ZFYVE9: variants seen among roughly 807,000 people sequenced by gnomAD.
The protein encoded by ZFYVE9 is zinc finger FYVE-type containing 9, also known as zinc finger FYVE domain-containing protein 9.
ZFYVE9 carries 43 observed loss-of-function variants against 126.7 expected under a neutral mutation model. The ratio of observed to expected loss-of-function variants is 0.34; its 90% CI spans 0.27 to 0.44. ZFYVE9 has a LOEUF of 0.44. Among genes scored for constraint, ZFYVE9 ranks in the 20% least tolerant of loss-of-function variants. ZFYVE9 has a pLI of 1.00. For missense variants in ZFYVE9, 1,476 were observed against 1,697.0 expected (o/e 0.87, Z 2.29); for synonymous variants, 521 against 597.4 (o/e 0.87, Z 1.87).
chr1:52,166,744 T>C (rs1644517512), intron 1 of ZFYVE9, among the ~76,000 whole-genome samples: 1 of 151,920 alleles, frequency 6.6e-6, no homozygotes, highest in East Asian at 1.9e-4. Context: ...GTCCCATCTC[T>C]ACAAAAAACA....
chr1:52,313,823 G>T (rs771219938), intron 13 of ZFYVE9, among the ~76,000 whole-genome samples: 1 of 152,136 alleles, frequency 6.6e-6, no homozygotes, highest in East Asian at 1.9e-4. Context: ...AGGTGGCAAC[G>T]GGATGAAAAG....
At chr1:52,300,802 T>G (rs1646025687) in intron 12 of ZFYVE9, among the ~76,000 whole-genome samples, 3 of 151,800 alleles carry the variant, frequency 2.0e-5, no homozygotes, top group Admixed American at 2.0e-4. Flanking sequence ...ATCTTCATAT[T>G]TGGAAGATAC....
chr1:52,169,761 T>C (rs1425686207), intron 1 of ZFYVE9, among the ~76,000 whole-genome samples: 1 of 152,218 alleles, frequency 6.6e-6, no homozygotes, highest in Non-Finnish European at 1.5e-5. Flanking sequence ...ATGTGAATTA[T>C]GTGGAGATTT....
At position 52,219,749 on chromosome 1, in the gene ZFYVE9, TTGTGTGTGTGTGTG is replaced by T. The variant is rs56340178; in HGVS notation, c.-37+3316_-37+3329del. Among the ~76,000 whole-genome samples, 432 of 113,344 alleles carry T rather than the reference TTGTGTGTGTGTGTG, an allele frequency of 3.8e-3. 1 individual carries two copies. Among genetic ancestry groups the T allele is most frequent in the Middle Eastern group, 9.5e-3 (2 of 210 alleles). The allele number at this position is 113,344 out of a possible 152,430, so 74.4% of individuals were successfully genotyped here. Reference sequence around the variant, plus strand: ...ATAGAGCATTTCAGGCCAAGATCTTTTGTGTGTGTGTGTGTGTGTGTGTGTGTGTGTGTGTGTGT... The same window carrying T: ...ATAGAGCATTTCAGGCCAAGATCTTTTGTGTGTGTGTGTGTGTGTGTGTGT... On this transcript the variant is annotated intron_variant, in intron 2 of 18. Transcript: ENST00000287727.
intron 10 of ZFYVE9, among the ~76,000 whole-genome samples, chr1:52,285,004 G>T (rs1283228485): frequency 1.3e-5 from 2 of 152,120 alleles, no homozygotes; most frequent in Non-Finnish European, 2.9e-5. Flanking sequence ...CAAATATTGG[G>T]ACTAGAAGGC....
At chr1:52,180,161 C>A in intron 1 of ZFYVE9, 1 of 1,278,128 alleles carries the variant, frequency 7.8e-7, no homozygotes, top group Non-Finnish European at 1.1e-6. Flanking sequence ...TTACCAAAGC[C>A]AGTGAGGGTT....
In ZFYVE9 at chr1:52,203,547, G is replaced by T. The variant is rs558775205; in HGVS notation, c.-142-12822G>T. Among the ~76,000 whole-genome samples, 248 of 144,628 alleles carry T rather than the reference G, an allele frequency of 1.7e-3. 2 individuals are homozygous for T. The highest frequency in any genetic ancestry group is 5.3e-3 in the African/African-American group (209 of 39,252). The allele number at this position is 144,628 out of a possible 152,430, so 94.9% of individuals were successfully genotyped here. A position where few individuals can be genotyped will look rare whatever the true frequency, so the allele number is the denominator to read the frequency against. ...ATAGTTTGAATATAACTATGTATAG[G>T]TTTTTTTTGGCATTTTTCATGCTTG... is the stretch of plus-strand genomic sequence containing the variant. On this transcript the variant is annotated intron_variant, in intron 1 of 18. Coordinates refer to ENST00000287727, the MANE Select transcript of ZFYVE9 (RefSeq NM_004799.4).
At chr1:52,295,836 C>G in intron 11 of ZFYVE9, 59 bp from the exon 12 acceptor site, 1 of 1,405,316 alleles carries the variant, frequency 7.1e-7, no homozygotes, top group Non-Finnish European at 1.0e-6. Context: ...GTCATGAAAT[C>G]TCTTTTACCA....
intron 10 of ZFYVE9, among the ~76,000 whole-genome samples, chr1:52,283,325 G>T (rs906878108): frequency 2.6e-5 from 4 of 152,164 alleles, no homozygotes; most frequent in Non-Finnish European, 5.9e-5. Flanking sequence ...TTATTTAGGA[G>T]CCCATGCTTT....
chr1:52,250,591 A>T (rs1302427324), intron 4 of ZFYVE9, among the ~76,000 whole-genome samples: 1 of 152,096 alleles, frequency 6.6e-6, no homozygotes, highest in South Asian at 2.1e-4. Flanking sequence ...TTTCCTTTCC[A>T]ACTTGGGTGC....
chr1:52,166,580 T>G (rs1644515709), intron 1 of ZFYVE9, among the ~76,000 whole-genome samples: 1 of 152,150 alleles, frequency 6.6e-6, no homozygotes. Context: ...GAACACTTTA[T>G]TGTTTGCTTA....
intron 8 of ZFYVE9, among the ~76,000 whole-genome samples, chr1:52,276,832 G>T (rs1645752876): frequency 6.6e-6 from 1 of 152,130 alleles, no homozygotes; most frequent in Non-Finnish European, 1.5e-5. Context: ...TTGCAATTTA[G>T]ATATTATATT....
intron 1 of ZFYVE9, among the ~76,000 whole-genome samples, chr1:52,152,013 G>A (rs1176677504): frequency 6.6e-6 from 1 of 151,666 alleles, no homozygotes; most frequent in Non-Finnish European, 1.5e-5. Flanking sequence ...TTTTGAGATG[G>A]AGTTTTGCTC....
At chr1:52,233,932 C>A (rs1352598543) in intron 3 of ZFYVE9, among the ~76,000 whole-genome samples, 1 of 152,132 alleles carries the variant, frequency 6.6e-6, no homozygotes, top group Admixed American at 6.5e-5. Context: ...ATACACCCGC[C>A]ACCATGCCTG....
chr1:52,149,768 C>T (rs1370454312), intron 1 of ZFYVE9, among the ~76,000 whole-genome samples: 1 of 152,182 alleles, frequency 6.6e-6, no homozygotes. Flanking sequence ...GCTGGGATTA[C>T]AGGTGTGAGC....
chr1:52,237,512 T>C lies in ZFYVE9; in HGVS notation c.95T>C (p.Leu32Ser). 6.2e-7 allele frequency: 1 copy of C among 1,610,154 alleles called. No homozygotes were observed. Among genetic ancestry groups the C allele is most frequent in the Non-Finnish European group, 8.5e-7 (1 of 1,177,344 alleles). ...NEDETVSSTLLDTKWNKILDP... is the reference protein window; with the variant it reads ...NEDETVSSTLSDTKWNKILDP... ...GATGAAACAGTTTCTTCTACTTTATTGGATACAAAGTGGAATAAGATTCTA... is the reference window on the plus strand; with the variant it reads ...GATGAAACAGTTTCTTCTACTTTATCGGATACAAAGTGGAATAAGATTCTA... Residue 32 changes from leucine (L) to serine (S), a missense_variant, in exon 4 of 19, where the codon TTG becomes TCG. Coordinates refer to ENST00000287727, the MANE Select transcript of ZFYVE9 (RefSeq NM_004799.4).
rs140362537 is a variant in ZFYVE9, at chr1:52,207,438, A to G, written c.-142-8931A>G. Among the ~76,000 whole-genome samples the G allele has an allele frequency of 3.7e-3, 559 of 152,332 alleles. 4 individuals are homozygous for G. Among genetic ancestry groups the G allele is most frequent in the African/African-American group, 0.013 (524 of 41,574 alleles). ...TGACTGGGAATTTGATGTTTGTGAA[A>G]GATGCCAGATGGATATGCTGGAAAT... On this transcript the variant is annotated intron_variant, in intron 1 of 18. Transcript: ENST00000287727.
At chr1:52,175,502 G>A (rs1390907306) in intron 1 of ZFYVE9, among the ~76,000 whole-genome samples, 1 of 150,334 alleles carries the variant, frequency 6.7e-6, no homozygotes, top group Non-Finnish European at 1.5e-5. Flanking sequence ...CTCTTCTCGA[G>A]GAGTATCTTT....
chr1:52,237,374 C>G, intron 3 of ZFYVE9, 114 bp from the exon 4 acceptor site: 1 of 981,060 alleles, frequency 1.0e-6, no homozygotes, highest in Non-Finnish European at 1.5e-6. Flanking sequence ...AATTAGAAAT[C>G]TAATATCCTT....
Sources: allele counts gnomAD v4.1 joint callset (sites outside exome capture counted in the v4.1 genomes callset), GRCh38; gene constraint gnomAD v4.1.1; transcripts MANE v1.5; gene names NCBI Gene and HGNC (gene_info 2026-07-23, HGNC 2026-07-21).